CMKLR2: variants seen among roughly 807,000 people sequenced by gnomAD.
The protein encoded by CMKLR2 is chemerin-like receptor 2.
Under a neutral mutation model 23.0 loss-of-function variants are expected in CMKLR2, and 18 were observed. The ratio of observed to expected loss-of-function variants is 0.78; its 90% confidence interval spans 0.54 to 1.16. The LOEUF is 1.16. CMKLR2 is among the 50% of genes most tolerant of loss of function. The probability of loss-of-function intolerance (pLI) is 0.00; values close to 1 mark genes in which losing one functional copy is unlikely to be tolerated. For missense variants in CMKLR2, 401 were observed against 412.7 expected (o/e 0.97, Z 0.25); for synonymous variants, 158 against 158.9 (o/e 0.99, Z 0.05).
At chr2:206,206,889 A>G (rs1689340923) in intron 1 of CMKLR2, among the ~76,000 whole-genome samples, 1 of 148,138 alleles carries the variant, frequency 6.8e-6, no homozygotes, top group South Asian at 2.2e-4. Flanking sequence ...CATCAAATCC[A>G]TTAGTTCCTG....
intron 1 of CMKLR2, among the ~76,000 whole-genome samples, chr2:206,182,797 T>TTTAGTAGAAACAAGGTTTCACCTTC (rs1405564109): frequency 6.6e-6 from 1 of 152,138 alleles, no homozygotes; most frequent in African/African-American, 2.4e-5. Flanking sequence ...TTTTTGTATT[T>TTTAGTAGAAACAAGGTTTCACCTTC]TTAGTAGAAA....
At chr2:206,193,269 T>C (rs1295210056) in intron 1 of CMKLR2, among the ~76,000 whole-genome samples, 1 of 152,156 alleles carries the variant, frequency 6.6e-6, no homozygotes, top group Non-Finnish European at 1.5e-5. Flanking sequence ...CAGTTAGCTT[T>C]TGTATTTTTC....
chr2:206,186,640 C>T (rs1416727956), intron 1 of CMKLR2, among the ~76,000 whole-genome samples: 3 of 152,082 alleles, frequency 2.0e-5, no homozygotes, highest in African/African-American at 7.2e-5. Context: ...GGGAAAGAAG[C>T]TGGCCTTTTG....
intron 1 of CMKLR2, among the ~76,000 whole-genome samples, chr2:206,187,536 C>T (rs985385557): frequency 1.3e-5 from 2 of 152,012 alleles, no homozygotes; most frequent in African/African-American, 4.8e-5. Flanking sequence ...GCATTTCTGC[C>T]GACTTAAATT....
At chr2:206,206,309 A>G (rs1689314433) in intron 1 of CMKLR2, among the ~76,000 whole-genome samples, 1 of 152,244 alleles carries the variant, frequency 6.6e-6, no homozygotes, top group Non-Finnish European at 1.5e-5. Flanking sequence ...GAATACAGTT[A>G]ATAAAATGAG....
intron 1 of CMKLR2, among the ~76,000 whole-genome samples, chr2:206,207,502 T>A (rs1689372024): frequency 6.6e-6 from 1 of 152,052 alleles, no homozygotes; most frequent in Non-Finnish European, 1.5e-5. Context: ...ACCAACCACA[T>A]CTAATTATGT....
At chr2:206,198,081 G>A (rs775539064) in intron 1 of CMKLR2, among the ~76,000 whole-genome samples, 3 of 152,162 alleles carry the variant, frequency 2.0e-5, no homozygotes, top group African/African-American at 4.8e-5. Context: ...TGAGACAGGC[G>A]AAGCTGGGTT....
chr2:206,200,199 G>A (rs933557402), intron 1 of CMKLR2, among the ~76,000 whole-genome samples: 13 of 152,040 alleles, frequency 8.6e-5, no homozygotes, highest in East Asian at 2.0e-4. Context: ...TGAGGCGGGC[G>A]GATCACCTGA....
At chr2:206,178,657 G>A (rs1688305847) in intron 1 of CMKLR2, among the ~76,000 whole-genome samples, 1 of 151,746 alleles carries the variant, frequency 6.6e-6, no homozygotes. Context: ...TTGTTTGTTT[G>A]TTTGTTTGTT....
intron 1 of CMKLR2, among the ~76,000 whole-genome samples, chr2:206,191,990 A>G (rs1270091979): frequency 6.6e-6 from 1 of 151,318 alleles, no homozygotes; most frequent in Non-Finnish European, 1.5e-5. Context: ...ACAGGCGCAC[A>G]CCACCACACC....
intron 1 of CMKLR2, among the ~76,000 whole-genome samples, chr2:206,188,283 G>A (rs975275354): frequency 1.3e-5 from 2 of 152,140 alleles, no homozygotes; most frequent in African/African-American, 4.8e-5. Flanking sequence ...CATTAAACAC[G>A]CAGGATCAAG....
At chr2:206,214,847 G>C (rs1689701494), upstream of CMKLR2, among the ~76,000 whole-genome samples, 1 of 151,572 alleles carries the variant, frequency 6.6e-6, no homozygotes, top group Non-Finnish European at 1.5e-5. Flanking sequence ...GGATGGTCTC[G>C]ATCTCCTGAC....
rs114020014 is a variant in CMKLR2 at position 206,177,859 on chromosome 2, G to A, written c.-28-584C>T. 3.8e-3 allele frequency among the ~76,000 whole-genome samples: 577 copies of A among 152,164 alleles called. 9 individuals are homozygous for A. Among genetic ancestry groups the A allele is most frequent in the African/African-American group, 0.013 (542 of 41,530 alleles). On this transcript the variant is annotated intron_variant, in intron 1 of 1. Coordinates refer to ENST00000621141, the MANE Select transcript of CMKLR2 (RefSeq NM_001389445.1). The stretch of plus-strand genomic sequence containing the variant: ...CTCTACGGTTATAATTCTTCAGTTC[G>A]TAATGCTTGTAGGGCTGACTAGAGA...
rs573548500 is a variant in CMKLR2, at chr2:206,199,294, G to A, written c.-29+14013C>T. Among the ~76,000 whole-genome samples, 22 of 152,206 alleles carry A rather than the reference G, an allele frequency of 1.4e-4. No homozygotes were observed. In the East Asian group the frequency reaches 3.5e-3, roughly 24 times the overall value. On this transcript the variant is annotated intron_variant, in intron 1 of 1. Transcript: ENST00000621141. Reference sequence around the variant, plus strand: ...ATGCCTACTATAATCCCAGCTACTCGGAGGCTGAGGCAAGAGAATTGCTTG... The same window carrying A: ...ATGCCTACTATAATCCCAGCTACTCAGAGGCTGAGGCAAGAGAATTGCTTG...
At chr2:206,207,442 T>C (rs1689369442) in intron 1 of CMKLR2, among the ~76,000 whole-genome samples, 3 of 152,100 alleles carry the variant, frequency 2.0e-5, no homozygotes, top group Admixed American at 2.0e-4. Flanking sequence ...GCCTGGCCTG[T>C]TGCTTATAAT....
upstream of CMKLR2, among the ~76,000 whole-genome samples, chr2:206,216,844 G>T (rs1020230034): frequency 6.6e-6 from 1 of 152,128 alleles, no homozygotes; most frequent in African/African-American, 2.4e-5. Context: ...TTTTAAGTGG[G>T]TCATCCCCTC....
At chr2:206,215,362 C>G (rs1004355681), upstream of CMKLR2, among the ~76,000 whole-genome samples, 1 of 152,122 alleles carries the variant, frequency 6.6e-6, no homozygotes, top group Non-Finnish European at 1.5e-5. Context: ...TCTGTAAAAG[C>G]CATTATTGAG....
chr2:206,187,040 A>AT (rs796174292), intron 1 of CMKLR2, among the ~76,000 whole-genome samples: 3 of 151,848 alleles, frequency 2.0e-5, no homozygotes, highest in East Asian at 3.9e-4. Flanking sequence ...ATAAGAATAC[A>AT]TTTTTTTCCA....
intron 1 of CMKLR2, chr2:206,203,496 C>G (rs936722494): frequency 1.2e-4 from 19 of 152,106 alleles, no homozygotes; most frequent in Non-Finnish European, 2.5e-4. Context: ...TCAATCATGA[C>G]TAAGTAATGA....
Sources: allele counts gnomAD v4.1 joint callset (sites outside exome capture counted in the v4.1 genomes callset), GRCh38; gene constraint gnomAD v4.1.1; transcripts MANE v1.5; gene names NCBI Gene and HGNC (gene_info 2026-07-23, HGNC 2026-07-21).